UMAD1: variants seen among roughly 807,000 people sequenced by gnomAD.
The protein encoded by UMAD1 is UBAP1-MVB12-associated (UMA)-domain containing protein 1.
UMAD1 carries 8 observed loss-of-function variants against 6.1 expected under a neutral mutation model. The observed-to-expected ratio is 1.30, with a 90% confidence interval of 0.76 to 2.35. The LOEUF is 2.35. Ranked by LOEUF, UMAD1 falls within the 30% of genes most tolerant of loss-of-function variation. UMAD1 has a pLI of 0.00. For missense variants in UMAD1, 130 were observed against 78.4 expected (o/e 1.66, Z -2.49); for synonymous variants, 56 against 31.4 (o/e 1.78, Z -2.61).
chr7:7,754,363 T>A (rs962791898), intron 2 of UMAD1, among the ~76,000 whole-genome samples: 2 of 152,230 alleles, frequency 1.3e-5, no homozygotes, highest in African/African-American at 4.8e-5. Flanking sequence ...TCAGTGATGT[T>A]GAGTACCTTT....
chr7:7,756,581 A>G (rs544301248), intron 2 of UMAD1, among the ~76,000 whole-genome samples: 8 of 152,040 alleles, frequency 5.3e-5, no homozygotes, highest in African/African-American at 1.9e-4. Context: ...CAAGCCCCTT[A>G]CTCTGTTCTT....
intron 2 of UMAD1, among the ~76,000 whole-genome samples, chr7:7,692,915 G>A (rs554520916): frequency 6.6e-6 from 1 of 152,202 alleles, no homozygotes; most frequent in Non-Finnish European, 1.5e-5. Context: ...CCAAAATGTG[G>A]CTTTTAAAAT....
At chr7:7,844,339 C>G (rs141808778) in intron 3 of UMAD1, among the ~76,000 whole-genome samples, 1 of 152,194 alleles carries the variant, frequency 6.6e-6, no homozygotes, top group Non-Finnish European at 1.5e-5. Flanking sequence ...CGCAGACTTA[C>G]CATTTCTCCT....
intron 2 of UMAD1, among the ~76,000 whole-genome samples, chr7:7,774,763 C>T (rs12702646): frequency 0.26 from 38,922 of 152,086 alleles, 5,762 homozygotes; most frequent in East Asian, 0.37. Context: ...CTTCTCAAGC[C>T]CCAGGCCCAG....
At chr7:7,688,868 G>T (rs1025982689) in intron 2 of UMAD1, among the ~76,000 whole-genome samples, 1 of 151,976 alleles carries the variant, frequency 6.6e-6, no homozygotes, top group Non-Finnish European at 1.5e-5. Flanking sequence ...TTTAATATTT[G>T]GTTAGAAAAC....
In UMAD1 at chr7:7,788,222, C is replaced by T. The variant is rs116188805; in HGVS notation, c.83-13448C>T. ...GAAGTGGTTTGGAGAAGAAGGAGAA[C>T]GTATGACTTGTAAAGCAGACATGCG... On this transcript the variant is annotated intron_variant, in intron 2 of 3. Transcript: ENST00000682710. 4.5e-3 allele frequency among the ~76,000 whole-genome samples: 686 copies of T among 152,264 alleles called. 3 individuals carry two copies. The highest frequency in any genetic ancestry group is 0.02 in the Middle Eastern group (6 of 294).
chr7:7,843,324 T>C (rs1173405417), intron 3 of UMAD1, among the ~76,000 whole-genome samples: 3 of 152,164 alleles, frequency 2.0e-5, no homozygotes, highest in Non-Finnish European at 4.4e-5. Flanking sequence ...CAGTTGCTCA[T>C]TGGGTGGTTC....
At chr7:7,642,686 T>C (rs776024481) in intron 1 of UMAD1, among the ~76,000 whole-genome samples, 1 of 152,168 alleles carries the variant, frequency 6.6e-6, no homozygotes, top group Non-Finnish European at 1.5e-5. Flanking sequence ...CCGATTTGCA[T>C]AGTTTTGAGA....
At chr7:7,825,049 C>T (rs1783313590) in intron 3 of UMAD1, among the ~76,000 whole-genome samples, 1 of 152,076 alleles carries the variant, frequency 6.6e-6, no homozygotes, top group Non-Finnish European at 1.5e-5. Context: ...GGCACACTTT[C>T]CATTCAGGTT....
At chr7:7,876,153 G>A (rs939460903) in intron 3 of UMAD1, among the ~76,000 whole-genome samples, 7 of 152,214 alleles carry the variant, frequency 4.6e-5, no homozygotes, top group African/African-American at 1.4e-4. Context: ...AGGAGATAAG[G>A]GAAGTAGCCC....
intron 2 of UMAD1, among the ~76,000 whole-genome samples, chr7:7,708,811 T>A (rs1218979993): frequency 1.3e-5 from 2 of 152,054 alleles, no homozygotes; most frequent in African/African-American, 4.8e-5. Context: ...TAATATGTGG[T>A]TTAAAGGGAA....
At chr7:7,804,648 G>A (rs1782871209) in intron 3 of UMAD1, among the ~76,000 whole-genome samples, 1 of 152,080 alleles carries the variant, frequency 6.6e-6, no homozygotes, top group South Asian at 2.1e-4. Context: ...ACCCTAGCCT[G>A]AGCAAGAGAG....
chr7:7,829,968 A>G (rs1783428248), intron 3 of UMAD1, among the ~76,000 whole-genome samples: 1 of 152,078 alleles, frequency 6.6e-6, no homozygotes, highest in Non-Finnish European at 1.5e-5. Context: ...TCAGGCCCTT[A>G]TCTTCCCTCA....
intron 3 of UMAD1, among the ~76,000 whole-genome samples, chr7:7,855,393 C>G (rs1323952243): frequency 6.6e-6 from 1 of 152,252 alleles, no homozygotes; most frequent in African/African-American, 2.4e-5. Context: ...CCTTTGAAAT[C>G]TAGGCAAAGG....
intron 3 of UMAD1, among the ~76,000 whole-genome samples, chr7:7,811,270 T>C (rs1783017173): frequency 6.6e-6 from 1 of 152,178 alleles, no homozygotes; most frequent in Admixed American, 6.5e-5. Context: ...TTTTTCCTAA[T>C]ATAAAACCCT....
chr7:7,657,691 A>G (rs2115084880), intron 1 of UMAD1, among the ~76,000 whole-genome samples: 1 of 152,260 alleles, frequency 6.6e-6, no homozygotes, highest in South Asian at 2.1e-4. Context: ...TGGTACCCAT[A>G]CCATGCTGTT....
chr7:7,716,655 AGGCCGGCGC>A (rs766158371), intron 2 of UMAD1, among the ~76,000 whole-genome samples: 44 of 152,228 alleles, frequency 2.9e-4, no homozygotes, highest in Admixed American at 5.9e-4. Context: ...ATTAGGGTGG[AGGCCGGCGC>A]GGCCGGCGCG....
At chr7:7,701,161 G>A (rs1016875697) in intron 2 of UMAD1, among the ~76,000 whole-genome samples, 3 of 152,168 alleles carry the variant, frequency 2.0e-5, no homozygotes, top group African/African-American at 7.2e-5. Flanking sequence ...CTGTATTCTT[G>A]TAGAGGAAGA....
chr7:7,716,088 A>G (rs563782870), intron 2 of UMAD1, among the ~76,000 whole-genome samples: 2 of 152,320 alleles, frequency 1.3e-5, no homozygotes, highest in African/African-American at 4.8e-5. Context: ...GAAATTATGG[A>G]TGCAGAAAGC....
Sources: gnomAD v4.1 joint callset for allele counts (sites outside exome capture counted in the v4.1 genomes callset) on GRCh38, gnomAD v4.1.1 for gene constraint, MANE v1.5 for transcripts, NCBI Gene and HGNC (gene_info 2026-07-23, HGNC 2026-07-21) for gene names.